ASXL1: variants seen among roughly 807,000 people sequenced by gnomAD.
ASXL1 encodes ASXL transcriptional regulator 1, also known as polycomb group protein ASXL1.
A neutral mutation model predicts 89.1 loss-of-function variants in ASXL1; 65 were observed. The observed-to-expected ratio is 0.73, with a 90% confidence interval of 0.60 to 0.90. The LOEUF (loss-of-function observed/expected upper bound fraction) is 0.90, where lower values mean the gene tolerates loss of function less well. Ranked by LOEUF, ASXL1 falls within the 40% of genes least tolerant of loss-of-function variation. The pLI is 0.00. For synonymous variants in ASXL1, 739 were observed against 746.9 expected, an observed-to-expected ratio of 0.99 and a Z score of 0.17; for missense variants, 1,786 against 1,942.9, an observed-to-expected ratio of 0.92 and a Z score of 1.52.
chr20:32,375,662 A>C (rs2048365044), intron 4 of ASXL1, among the ~76,000 whole-genome samples: 1 of 151,150 alleles, frequency 6.6e-6, no homozygotes, highest in African/African-American at 2.4e-5. Flanking sequence ...TATAGAAGTA[A>C]GTAGTTTGTT....
In ASXL1 at chr20:32,372,256, T is replaced by C. The variant is rs1600480933; in HGVS notation, c.252+3133T>C. 3.9e-6 allele frequency: 5 copies of C among 1,294,256 alleles called. No individual in the cohort carries two copies. The East Asian group carries it at 1.5e-4, about 38-fold the overall frequency. The allele number at this position is 1,294,256 out of a possible 1,614,324, so 80.2% of individuals were successfully genotyped here. Reference sequence around the variant, plus strand: ...GAACCTGCTGTAAGCTTGGGAGTGGTCTGTTAGTCTACAGCTTGTGTCTGA... The same window carrying C: ...GAACCTGCTGTAAGCTTGGGAGTGGCCTGTTAGTCTACAGCTTGTGTCTGA... On this transcript the variant is annotated intron_variant, in intron 4 of 12. Transcript: ENST00000375687.
chr20:32,436,952 C>T lies in ASXL1; in HGVS notation c.4240C>T (p.Pro1414Ser), dbSNP rs375106070. 1.2e-6 allele frequency: 2 copies of T among 1,614,152 alleles called. No individual in the cohort carries two copies. The highest frequency in any genetic ancestry group is 1.7e-6 in the Non-Finnish European group (2 of 1,180,038). Residue 1414 changes from proline to serine, a missense_variant, in exon 13 of 13, where the codon CCC becomes TCC. This residue lies in a region of ASXL1 where 1,418 missense variants were observed against 1,427.8 expected (regional missense o/e 0.99). Coordinates refer to ENST00000375687, the MANE Select transcript of ASXL1 (RefSeq NM_015338.6). ...FVMDLPFWKLPREPGKGLSEP... is the reference protein window; with the variant it reads ...FVMDLPFWKLSREPGKGLSEP... ...CATGGACTTGCCCTTCTGGAAATTA[C>T]CCCGAGAGCCAGGGAAGGGGCTCAG... is the stretch of plus-strand genomic sequence containing the variant.
Position 32,437,152 on chromosome 20 carries a change from T to C in ASXL1, c.4440T>C (p.Phe1480=). The C allele has an allele frequency of 1.2e-6, 2 of 1,614,192 alleles. No homozygotes were observed. The highest frequency in any genetic ancestry group is 1.7e-6 in the Non-Finnish European group (2 of 1,180,026). ...SVVQLSHKAN[F]GASHSASLSL... ...TGCAGCTGAGCCACAAAGCAAACTT[T>C]GGTGCGAGCCACAGTGCATCACTTT... The change falls in exon 13 of 13, where the codon TTT becomes TTC. Residue 1480 remains phenylalanine, a synonymous_variant. Coordinates refer to ENST00000375687, the MANE Select transcript of ASXL1 (RefSeq NM_015338.6).
At chr20:32,359,669 C>G (rs2048076655) in intron 1 of ASXL1, 1 of 717,584 alleles carries the variant, frequency 1.4e-6, no homozygotes, top group African/African-American at 1.7e-5. Flanking sequence ...CAAAGTATCT[C>G]TGTTGGGAGA....
At chr20:32,422,875 G>A (rs1351166505) in intron 4 of ASXL1, among the ~76,000 whole-genome samples, 7 of 151,976 alleles carry the variant, frequency 4.6e-5, no homozygotes, top group Admixed American at 1.3e-4. Context: ...ATGAGCCACC[G>A]TGCCCGGCCT....
At chr20:32,359,938 T>C in intron 1 of ASXL1, 1 of 687,718 alleles carries the variant, frequency 1.5e-6, no homozygotes, top group Non-Finnish European at 2.7e-6. Context: ...GTGGTGCGGA[T>C]AGCATAAGTG....
chr20:32,387,018 A>C (rs2048591790), intron 4 of ASXL1, among the ~76,000 whole-genome samples: 1 of 152,054 alleles, frequency 6.6e-6, no homozygotes, highest in South Asian at 2.1e-4. Flanking sequence ...TCATAATGCA[A>C]ATGAAAAATT....
At chr20:32,417,457 A>T (rs1468591080) in intron 4 of ASXL1, among the ~76,000 whole-genome samples, 2 of 152,166 alleles carry the variant, frequency 1.3e-5, no homozygotes. Flanking sequence ...TCTTTCGTTG[A>T]CATCTATAAT....
chr20:32,389,650 A>G (rs2048638656), intron 4 of ASXL1, among the ~76,000 whole-genome samples: 3 of 152,232 alleles, frequency 2.0e-5, no homozygotes, highest in East Asian at 1.9e-4. Context: ...CAGTGGCACA[A>G]TCTCGGCTCA....
At chr20:32,401,532 G>A (rs1485660709) in intron 4 of ASXL1, among the ~76,000 whole-genome samples, 1 of 44,784 alleles carries the variant, frequency 2.2e-5, no homozygotes, top group East Asian at 1.0e-3. Flanking sequence ...ATGTGTGTGT[G>A]TGTGTGTGTG....
rs1209541431 is a variant in ASXL1, at chr20:32,433,359, T to G, written c.1161T>G (p.Cys387Trp). Reference protein sequence around the residue: ...QEEAEIKSGLCVPGESVRIQR... With the variant: ...QEEAEIKSGLWVPGESVRIQR... ...AGGCTGAAATCAAAAGTGGCTTGTG[T>G]GTCCCAGGAGAATCAGTGCGTATAC... Residue 387 changes from cysteine (C) to tryptophan (W), a missense_variant, in exon 12 of 13, where the codon TGT (cysteine) becomes TGG (tryptophan). By Grantham distance (215) the Cys-to-Trp change is radical (BLOSUM62 -2). This residue lies in a region of ASXL1 where 1,418 missense variants were observed against 1,427.8 expected (regional missense o/e 0.99). Transcript: ENST00000375687. The G allele has an allele frequency of 6.2e-7, 1 of 1,614,170 alleles. No homozygotes were observed. Among genetic ancestry groups the G allele is most frequent in the Non-Finnish European group, 8.5e-7 (1 of 1,180,032 alleles).
chr20:32,372,042 A>G, intron 4 of ASXL1: 1 of 1,223,464 alleles, frequency 8.2e-7, no homozygotes. Context: ...TTTTTCTATG[A>G]GTACCTTAAG....
At chr20:32,384,020 G>T (rs2048533758) in intron 4 of ASXL1, among the ~76,000 whole-genome samples, 1 of 152,114 alleles carries the variant, frequency 6.6e-6, no homozygotes, top group African/African-American at 2.4e-5. Flanking sequence ...ATTGTTGTGT[G>T]TGAAGAGTAA....
In ASXL1 at chr20:32,437,514, T is replaced by G; in HGVS notation, c.*176T>G. On this transcript the variant is annotated 3_prime_UTR_variant, in exon 13 of 13. Coordinates refer to ENST00000375687, the MANE Select transcript of ASXL1 (RefSeq NM_015338.6). ...TGTCACTTGGCGACCCTTCTGGTCT[T>G]GCTGGAGGGGTTTCCTGGGTATAAC... 2.9e-6 allele frequency: 3 copies of G among 1,031,224 alleles called. No individual in the cohort carries two copies. Among genetic ancestry groups the G allele is most frequent in the Non-Finnish European group, 4.2e-6 (3 of 709,130 alleles). The allele number at this position is 1,031,224 out of a possible 1,614,324, so 63.9% of individuals were successfully genotyped here.
chr20:32,422,035 A>ATT (rs760163749), intron 4 of ASXL1, among the ~76,000 whole-genome samples: 15 of 135,154 alleles, frequency 1.1e-4, no homozygotes, highest in Non-Finnish European at 1.9e-4. Context: ...CTCCTGGCTA[A>ATT]TTTTTTTTTT....
intron 4 of ASXL1, among the ~76,000 whole-genome samples, chr20:32,390,904 T>C (rs2048659682): frequency 6.6e-6 from 1 of 151,914 alleles, no homozygotes; most frequent in Non-Finnish European, 1.5e-5. Context: ...TTTTCTTTTT[T>C]TTCTTTTTGG....
chr20:32,407,398 G>C (rs964271467), intron 4 of ASXL1, among the ~76,000 whole-genome samples: 2 of 152,100 alleles, frequency 1.3e-5, no homozygotes, highest in African/African-American at 4.8e-5. Flanking sequence ...ACACACTCTG[G>C]ATACATACTG....
intron 4 of ASXL1, among the ~76,000 whole-genome samples, chr20:32,375,461 G>T (rs919814783): frequency 6.2e-5 from 9 of 144,094 alleles, no homozygotes; most frequent in African/African-American, 2.3e-4. Flanking sequence ...AAAAAAAAAA[G>T]AAAAAAAGAA....
intron 4 of ASXL1, among the ~76,000 whole-genome samples, chr20:32,405,939 T>G (rs1299015990): frequency 6.6e-6 from 1 of 152,066 alleles, no homozygotes; most frequent in African/African-American, 2.4e-5. Context: ...GTTTTGCTCC[T>G]CTTGCCCAGG....
Sources: gnomAD v4.1 joint callset for allele counts (sites outside exome capture counted in the v4.1 genomes callset) on GRCh38, gnomAD v4.1.1 for gene constraint, gnomAD v4.1.1 regional missense constraint, MANE v1.5 for transcripts, NCBI Gene and HGNC (gene_info 2026-07-23, HGNC 2026-07-21) for gene names.